Variants in MACROD2 observed in about 807,000 individuals in gnomAD.
MACROD2 encodes mono-ADP ribosylhydrolase 2, also known as ADP-ribose glycohydrolase MACROD2.
Under a neutral mutation model 70.4 loss-of-function variants are expected in MACROD2, and 36 were observed. The ratio of observed to expected loss-of-function variants is 0.51; its 90% CI spans 0.39 to 0.68. The LOEUF is 0.68. Among genes scored for constraint, MACROD2 ranks in the 30% least tolerant of loss-of-function variants. The pLI is 0.00. For synonymous variants in MACROD2, 172 were observed against 178.8 expected (o/e 0.96, Z 0.30); for missense variants, 496 against 538.4 (o/e 0.92, Z 0.78).
intron 6 of MACROD2, among the ~76,000 whole-genome samples, chr20:15,257,314 T>C (rs2077208273): frequency 6.6e-6 from 1 of 151,850 alleles, no homozygotes; most frequent in Admixed American, 6.6e-5. Context: ...TGGGGGCAAG[T>C]GGAGGTGGGC....
intron 4 of MACROD2, among the ~76,000 whole-genome samples, chr20:14,609,932 A>G (rs1430395908): frequency 2.6e-5 from 4 of 152,150 alleles, no homozygotes; most frequent in African/African-American, 9.7e-5. Flanking sequence ...ATCCCTTTCC[A>G]GTGAATGAGT....
At chr20:15,668,912 T>C (rs1157186811) in intron 8 of MACROD2, among the ~76,000 whole-genome samples, 1 of 152,200 alleles carries the variant, frequency 6.6e-6, no homozygotes, top group East Asian at 1.9e-4. Context: ...TAAATAACTT[T>C]CATTTTTTAA....
intron 10 of MACROD2, among the ~76,000 whole-genome samples, chr20:15,899,822 CTT>C (rs1442829941): frequency 2.0e-5 from 3 of 152,108 alleles, no homozygotes; most frequent in African/African-American, 7.2e-5. Flanking sequence ...TTAATGATGT[CTT>C]TTGTCAGATG....
chr20:14,574,569 A>G (rs1980444288), intron 4 of MACROD2, among the ~76,000 whole-genome samples: 1 of 152,110 alleles, frequency 6.6e-6, no homozygotes, highest in Non-Finnish European at 1.5e-5. Flanking sequence ...TGGCTAAGGC[A>G]CATTAATGAT....
intron 5 of MACROD2, among the ~76,000 whole-genome samples, chr20:15,191,834 T>A (rs1036148232): frequency 2.0e-5 from 3 of 151,998 alleles, no homozygotes; most frequent in African/African-American, 7.3e-5. Context: ...ATTTTGAAGG[T>A]GAAATTTTGC....
intron 5 of MACROD2, among the ~76,000 whole-genome samples, chr20:15,224,078 G>T (rs774799215): frequency 5.3e-5 from 8 of 152,144 alleles, no homozygotes; most frequent in Non-Finnish European, 1.2e-4. Flanking sequence ...TGTCAGTCCA[G>T]CCTTTGGCTC....
chr20:14,696,186 C>A (rs867475551), intron 5 of MACROD2, among the ~76,000 whole-genome samples: 2 of 151,802 alleles, frequency 1.3e-5, no homozygotes, highest in South Asian at 4.1e-4. Context: ...ATAGATAGAT[C>A]GATAGATAGA....
chr20:14,761,957 C>T (rs1409536126), intron 5 of MACROD2, among the ~76,000 whole-genome samples: 1 of 152,148 alleles, frequency 6.6e-6, no homozygotes, highest in South Asian at 2.1e-4. Flanking sequence ...TCACCATGTT[C>T]TCCCAATTCT....
chr20:15,531,070 A>G (rs1377263814), intron 8 of MACROD2, among the ~76,000 whole-genome samples: 5 of 151,090 alleles, frequency 3.3e-5, no homozygotes, highest in Non-Finnish European at 7.4e-5. Flanking sequence ...TTAAATATTA[A>G]TAATTAAGAA....
chr20:14,569,104 C>T (rs980846260), intron 4 of MACROD2, among the ~76,000 whole-genome samples: 21 of 151,992 alleles, frequency 1.4e-4, no homozygotes, highest in African/African-American at 4.6e-4. Context: ...CTCTTACAAC[C>T]GGCAATCTTT....
chr20:15,310,642 A>G (rs1469687336), intron 6 of MACROD2, among the ~76,000 whole-genome samples: 2 of 152,178 alleles, frequency 1.3e-5, no homozygotes. Context: ...TGCCACACAC[A>G]TGCATGAACT....
At position 15,280,614 on chromosome 20, in the gene MACROD2, A is replaced by C. The variant is rs2077435397; in HGVS notation, c.540+50553A>C. 3.3e-5 allele frequency: 5 copies of C among 152,346 alleles called. No individual in the cohort carries two copies. In the South Asian group the frequency reaches 8.3e-4, roughly 25 times the overall value. 9.4% of individuals were successfully genotyped at this position (152,346 alleles called of 1,614,324 possible). On this transcript the variant is annotated intron_variant, in intron 6 of 17. Transcript: ENST00000684519. The stretch of plus-strand genomic sequence containing the variant: ...GTACCAGCTGGGATCCTTTCACATT[A>C]GGATAATTTTAATGGTAGAGCACTT...
intron 2 of MACROD2, among the ~76,000 whole-genome samples, chr20:14,044,291 G>A (rs2053435219): frequency 6.6e-6 from 1 of 152,130 alleles, no homozygotes; most frequent in Admixed American, 6.5e-5. Flanking sequence ...CTGGCTTCAG[G>A]AGTGGAGCTG....
chr20:15,191,770 A>C (rs2076572006), intron 5 of MACROD2, among the ~76,000 whole-genome samples: 1 of 152,168 alleles, frequency 6.6e-6, no homozygotes, highest in Non-Finnish European at 1.5e-5. Flanking sequence ...TGAGCATTGC[A>C]CAGGGAAGAT....
intron 5 of MACROD2, among the ~76,000 whole-genome samples, chr20:14,798,847 C>T (rs1173154066): frequency 6.6e-6 from 1 of 151,882 alleles, no homozygotes; most frequent in African/African-American, 2.4e-5. Context: ...GTTAATTTTT[C>T]ATTGTGATTT....
chr20:15,201,752 C>T (rs2076657958), intron 5 of MACROD2, among the ~76,000 whole-genome samples: 1 of 152,212 alleles, frequency 6.6e-6, no homozygotes, highest in Non-Finnish European at 1.5e-5. Context: ...GGGTGTCCAT[C>T]TCTGATGTCT....
intron 6 of MACROD2, among the ~76,000 whole-genome samples, chr20:15,279,479 C>G (rs1473835125): frequency 6.6e-6 from 1 of 152,092 alleles, no homozygotes; most frequent in Admixed American, 6.5e-5. Flanking sequence ...ATTCATTGTC[C>G]ACACATCAAT....
At chr20:16,029,461 A>C (rs2067123465) in intron 15 of MACROD2, among the ~76,000 whole-genome samples, 1 of 152,210 alleles carries the variant, frequency 6.6e-6, no homozygotes, top group Non-Finnish European at 1.5e-5. Context: ...ACTCTCCTCC[A>C]AACTTAACAA....
intron 3 of MACROD2, among the ~76,000 whole-genome samples, chr20:14,265,084 A>G (rs2082133135): frequency 6.6e-6 from 1 of 152,158 alleles, no homozygotes; most frequent in Non-Finnish European, 1.5e-5. Flanking sequence ...TCTGCTGTTC[A>G]TTCAAATATA....
Sources: gnomAD v4.1 joint callset for allele counts (sites outside exome capture counted in the v4.1 genomes callset) on GRCh38, gnomAD v4.1.1 for gene constraint, MANE v1.5 for transcripts, NCBI Gene and HGNC (gene_info 2026-07-23, HGNC 2026-07-21) for gene names.